FAT1: variants seen among roughly 807,000 people sequenced by gnomAD.
FAT1 encodes protocadherin Fat 1.
FAT1 carries 171 observed loss-of-function variants against 329.8 expected under a neutral mutation model. That is an observed-to-expected ratio of 0.52 (90% CI 0.46 to 0.59). The LOEUF is 0.59. Among genes scored for constraint, FAT1 ranks in the 20% least tolerant of loss-of-function variants. The pLI, the probability that FAT1 is intolerant of heterozygous loss-of-function variation, is 0.00. For synonymous variants in FAT1, 2,233 were observed against 2,228.6 expected (o/e 1.00, Z -0.06); for missense variants, 5,672 against 5,774.4 (o/e 0.98, Z 0.57).
intron 3 of FAT1, among the ~76,000 whole-genome samples, chr4:186,650,578 C>T (rs1401816173): frequency 6.6e-6 from 1 of 152,096 alleles, no homozygotes; most frequent in African/African-American, 2.4e-5. Context: ...AACTAATTTG[C>T]CTAATGTTAT....
At chr4:186,610,617 T>C (rs1350470588) in intron 14 of FAT1, among the ~76,000 whole-genome samples, 1 of 126,528 alleles carries the variant, frequency 7.9e-6, no homozygotes, top group Admixed American at 9.1e-5. Flanking sequence ...ATATAAATTA[T>C]ATAAATATAA....
intron 3 of FAT1, among the ~76,000 whole-genome samples, chr4:186,652,691 T>C (rs1414944202): frequency 6.6e-6 from 1 of 152,196 alleles, no homozygotes; most frequent in Non-Finnish European, 1.5e-5. Flanking sequence ...CTTTCCTTCC[T>C]TTGCAGCTAT....
rs566193612 is a variant in FAT1, at chr4:186,708,896, C to T, written c.932G>A (p.Gly311Glu). 6.2e-7 allele frequency: 1 copy of T among 1,613,908 alleles called. No homozygotes were observed. Among genetic ancestry groups the T allele is most frequent in the Non-Finnish European group, 8.5e-7 (1 of 1,179,866 alleles). The part of the protein sequence containing the change: ...QQFRTVRSFP[G>E]SKEYKVKAIG... The stretch of plus-strand genomic sequence containing the variant: ...GGCTTTGACTTTATACTCCTTACTC[C>T]CTGGAAAGGACCTCACTGTTCTAAA... Residue 311 changes from glycine to glutamate, a missense_variant, in exon 2 of 27, where the codon GGG becomes GAG. Coordinates refer to ENST00000441802, the MANE Select transcript of FAT1 (RefSeq NM_005245.4).
In FAT1 at chr4:186,698,313, C is replaced by T. The variant is rs528491391; in HGVS notation, c.3265+8250G>A. On this transcript the variant is annotated intron_variant, in intron 2 of 26. Coordinates refer to ENST00000441802, the MANE Select transcript of FAT1 (RefSeq NM_005245.4). Reference sequence around the variant, plus strand: ...GCGAAGAGAAGCAAAGGCTACCTGGCTTGAAGGAAAGGTTTCCCCGGAGAC... The same window carrying T: ...GCGAAGAGAAGCAAAGGCTACCTGGTTTGAAGGAAAGGTTTCCCCGGAGAC... Among the ~76,000 whole-genome samples the T allele has an allele frequency of 3.3e-5, 5 of 152,246 alleles. No individual in the cohort carries two copies. The South Asian group carries it at 6.2e-4, about 19-fold the overall frequency.
chr4:186,590,469 T>A (rs1738186857), intron 26 of FAT1: 1 of 1,100,728 alleles, frequency 9.1e-7, no homozygotes, highest in African/African-American at 1.6e-5. Context: ...GAAAAGGCAA[T>A]AAAGGTAAGT....
In FAT1 at chr4:186,613,680, G is replaced by A. The variant is rs369886655; in HGVS notation, c.9230-338C>T. ...AATTAGATTCACATGTTCACAATTA[G>A]TTCTTTAGGAAGAAAATAAAAAGGC... On this transcript the variant is annotated intron_variant, in intron 12 of 26. Transcript: ENST00000441802. 4.6e-5 allele frequency among the ~76,000 whole-genome samples: 7 copies of A among 152,154 alleles called. No individual in the cohort carries two copies. In the East Asian group the frequency reaches 1.4e-3, roughly 29 times the overall value.
rs371035634 is a variant in FAT1, at chr4:186,619,043, T to C, written c.7543A>G (p.Lys2515Glu). The C allele has an allele frequency of 1.2e-6, 2 of 1,614,048 alleles. No homozygotes were observed. The highest frequency in any genetic ancestry group is 1.7e-6 in the Non-Finnish European group (2 of 1,179,890). The change falls in exon 10 of 27, where the codon AAA (lysine) becomes GAA (glutamate). Residue 2515 changes from lysine to glutamate, a missense_variant. Physicochemically the swap from Lys to Glu is moderately conservative, Grantham distance 56. Coordinates refer to ENST00000441802, the MANE Select transcript of FAT1 (RefSeq NM_005245.4). ...APLHTLVMEV[K>E]TTDGDSGIYG... The stretch of plus-strand genomic sequence containing the variant: ...ATACCAGAATCCCCATCCGTAGTTT[T>C]CACCTCCATCACCAGGGTATGTAGG...
chr4:186,642,539 G>A (rs1417505524), intron 3 of FAT1, among the ~76,000 whole-genome samples: 1 of 152,216 alleles, frequency 6.6e-6, no homozygotes. Flanking sequence ...CTGTAAACCT[G>A]AAAATGATAC....
chr4:186,696,678 T>C (rs944119438), intron 2 of FAT1, among the ~76,000 whole-genome samples: 1 of 152,208 alleles, frequency 6.6e-6, no homozygotes, highest in Non-Finnish European at 1.5e-5. Context: ...TAAGAACTTA[T>C]GGCAGGGCTA....
chr4:186,593,314 C>T (rs1339861822), intron 26 of FAT1, among the ~76,000 whole-genome samples: 2 of 152,324 alleles, frequency 1.3e-5, no homozygotes, highest in South Asian at 2.1e-4. Flanking sequence ...GGAGGAGACT[C>T]TGTCCGTCTG....
At chr4:186,667,331 C>A (rs376251564) in intron 2 of FAT1, among the ~76,000 whole-genome samples, 1 of 151,794 alleles carries the variant, frequency 6.6e-6, no homozygotes, top group Non-Finnish European at 1.5e-5. Flanking sequence ...TCGGCCTCCC[C>A]GGTAATCTAC....
In FAT1 at chr4:186,618,808, G is replaced by T; in HGVS notation, c.7778C>A (p.Ala2593Glu). 6.2e-7 allele frequency: 1 copy of T among 1,614,030 alleles called. No individual in the cohort carries two copies. Among genetic ancestry groups the T allele is most frequent in the Non-Finnish European group, 8.5e-7 (1 of 1,179,888 alleles). ...GTATTTGGTTGCTCGAAATTGTGGT[G>T]CATTGTCATTGTCATCTGTAAGGAT... ...NVILTDDNDN[A>E]PQFRATKYEV... The change falls in exon 10 of 27, where the codon GCA becomes GAA. Residue 2593 changes from alanine to glutamate, a missense_variant. Coordinates refer to ENST00000441802, the MANE Select transcript of FAT1 (RefSeq NM_005245.4).
chr4:186,603,124 G>A (rs1738900202), intron 19 of FAT1, 52 bp downstream of exon 19: 1 of 1,607,904 alleles, frequency 6.2e-7, no homozygotes, highest in Non-Finnish European at 8.5e-7. Flanking sequence ...AGGCTTCAAA[G>A]GCCGTCTGAA....
upstream of FAT1, chr4:186,723,984 C>G (rs1489646111): frequency 6.6e-6 from 1 of 150,728 alleles, no homozygotes; most frequent in Non-Finnish European, 1.5e-5. Flanking sequence ...GCCACGCAGT[C>G]CCGCCCGGAC....
chr4:186,693,411 A>G lies in FAT1; in HGVS notation c.3265+13152T>C, dbSNP rs1234342194. Among the ~76,000 whole-genome samples, 2 of 104,342 alleles carry G rather than the reference A, an allele frequency of 1.9e-5. 1 individual carries two copies. The highest frequency in any genetic ancestry group is 8.6e-5 in the African/African-American group (2 of 23,284). 68.5% of individuals were successfully genotyped at this position (104,342 alleles called of 152,430 possible). On this transcript the variant is annotated intron_variant, in intron 2 of 26. Coordinates refer to ENST00000441802, the MANE Select transcript of FAT1 (RefSeq NM_005245.4). ...CACAGCACGTGGGAGATGACAGTGG[A>G]GGAGTTCTGAGCCTTGGCCCAGCGG...
chr4:186,619,392 T>C lies in FAT1; in HGVS notation c.7194A>G (p.Arg2398=). 6.2e-7 allele frequency: 1 copy of C among 1,614,026 alleles called. No individual in the cohort carries two copies. The highest frequency in any genetic ancestry group is 8.5e-7 in the Non-Finnish European group (1 of 1,179,894). Residue 2398 remains arginine (R), a synonymous_variant, in exon 10 of 27, where the codon AGA becomes AGG. Transcript: ENST00000441802. ...PLFEQQIYEA[R]ISEHAPHGHF... The stretch of plus-strand genomic sequence containing the variant: ...GCCCATGAGGGGCGTGCTCGCTAAT[T>C]CTGGCTTCATAAATCTGTTGTTCAA...
rs750458975 is a variant in FAT1, at chr4:186,596,685, G to C, written c.12855C>G (p.Ser4285Arg). Residue 4285 changes from serine (S) to arginine (R), a missense_variant, in exon 25 of 27, where the codon AGC becomes AGG. Around this residue, in one of 2 missense-constraint regions of FAT1, gnomAD observed 1,706 missense variants for 1,859.1 expected, o/e 0.92. Transcript: ENST00000441802. This position sits in a 1 kb window ranked among gnomAD's most constrained non-coding sequence, Gnocchi z 4.7. ...GSAIPEHPEF[S>R]TFNPESVHGH... ...CGTGCACAGACTCGGGGTTAAAAGTGCTGAATTCGGGATGCTCTGGGATAG... is the reference window on the plus strand; with the variant it reads ...CGTGCACAGACTCGGGGTTAAAAGTCCTGAATTCGGGATGCTCTGGGATAG... 2 of 1,613,228 alleles carry C rather than the reference G, an allele frequency of 1.2e-6. 1 individual carries two copies. Among genetic ancestry groups the C allele is most frequent in the Admixed American group, 3.3e-5 (2 of 59,982 alleles).
chr4:186,605,047 C>T (rs149328468), intron 17 of FAT1, among the ~76,000 whole-genome samples: 3,759 of 151,786 alleles, frequency 0.025, 145 homozygotes, highest in African/African-American at 0.081. Flanking sequence ...GGTGAAACCC[C>T]GTCTCTACTA....
intron 1 of FAT1, among the ~76,000 whole-genome samples, chr4:186,710,578 C>T (rs1175236715): frequency 2.6e-5 from 4 of 152,160 alleles, no homozygotes; most frequent in African/African-American, 9.7e-5. Flanking sequence ...CAGAATTCAG[C>T]AGCCTGATGT....
Sources: gnomAD v4.1 joint callset for allele counts (sites outside exome capture counted in the v4.1 genomes callset) on GRCh38, gnomAD v4.1.1 for gene constraint, gnomAD v4.1.1 regional missense constraint, Gnocchi (gnomAD v3.1) non-coding constraint, MANE v1.5 for transcripts, NCBI Gene and HGNC (gene_info 2026-07-23, HGNC 2026-07-21) for gene names.